Variants in VIM observed in about 807,000 individuals in gnomAD.
The protein encoded by VIM is vimentin, also known as epididymis secretory sperm binding protein.
A neutral mutation model predicts 50.3 loss-of-function variants in VIM; 18 were observed. That is an observed-to-expected ratio of 0.36 (90% CI 0.25 to 0.53). The LOEUF (loss-of-function observed/expected upper bound fraction) is 0.53. Ranked by LOEUF, VIM falls within the 20% of genes least tolerant of loss-of-function variation. The probability of loss-of-function intolerance (pLI) is 0.91; values close to 1 mark genes in which losing one functional copy is unlikely to be tolerated. For synonymous variants in VIM, 245 were observed against 248.5 expected (o/e 0.99, Z 0.13); for missense variants, 551 against 614.7 (o/e 0.90, Z 1.10).
At chr10:17,228,820 C>T (rs1473612087) in intron 1 of VIM, 3 of 153,826 alleles carry the variant, frequency 2.0e-5, no homozygotes, top group Non-Finnish European at 4.3e-5. Flanking sequence ...CTCTTTGTTT[C>T]TTTCTCCGCG....
chr10:17,229,379 C>G lies in VIM; in HGVS notation c.-44C>G, dbSNP rs559734613. 155 of 1,557,682 alleles carry G rather than the reference C, an allele frequency of 1.0e-4. 1 individual carries two copies. In the South Asian group the frequency reaches 1.7e-3, roughly 18 times the overall value. ...GTTCGCCTCTTCTCCGGGAGCCAGT[C>G]CGCGCCACCGCCGCCGCCCAGGCCA... is the stretch of plus-strand genomic sequence containing the variant. On this transcript the variant is annotated 5_prime_UTR_variant, in exon 2 of 10. Transcript: ENST00000544301.
chr10:17,237,076 C>T (rs1304694222), intron 9 of VIM, among the ~76,000 whole-genome samples, 154 bp from the exon 10 acceptor site: 1 of 152,126 alleles, frequency 6.6e-6, no homozygotes, highest in Non-Finnish European at 1.5e-5. Flanking sequence ...GTGTCTGCCC[C>T]TTCTAGTTTT....
rs1449347049 is a variant in VIM, at chr10:17,230,372, G to A, written c.564-278G>A. 1.4e-5 allele frequency: 8 copies of A among 574,264 alleles called. No homozygotes were observed. The East Asian group carries it at 2.1e-4, about 15-fold the overall frequency. The allele number at this position is 574,264 out of a possible 1,614,324, so 35.6% of individuals were successfully genotyped here. A position where few individuals can be genotyped will look rare whatever the true frequency, so the allele number is the denominator to read the frequency against. The stretch of plus-strand genomic sequence containing the variant: ...GGGCGGGAGAAGGAAGGAGGGGAAG[G>A]CGGTGGAGGGAGCGAGACAAAGGGA... On this transcript the variant is annotated intron_variant, in intron 2 of 9. Coordinates refer to ENST00000544301, the MANE Select transcript of VIM (RefSeq NM_003380.5).
intron 2 of VIM, 106 bp downstream of exon 2, chr10:17,230,091 C>T (rs1846758741): frequency 2.2e-6 from 3 of 1,376,868 alleles, no homozygotes; most frequent in Admixed American, 2.6e-5. Context: ...GGGGATGTGG[C>T]CGGGGGGAGG....
chr10:17,229,165 CGCTTCTCGCTAGGT>C, intron 1 of VIM, 97 bp from the exon 2 acceptor site: 3 of 174,876 alleles, frequency 1.7e-5, no homozygotes, highest in Non-Finnish European at 2.4e-5. Flanking sequence ...CCACCCTCCC[CGCTTCTCGCTAGGT>C]CCCTATTGGC....
At chr10:17,234,977 C>G in intron 6 of VIM, 159 bp downstream of exon 6, 1 of 1,261,856 alleles carries the variant, frequency 7.9e-7, no homozygotes, top group Non-Finnish European at 1.1e-6. Context: ...CTTCATGGAA[C>G]TCTTGAAGGT....
Position 17,234,825 on chromosome 10 carries a change from A to T in VIM, c.1008+7A>T, listed in dbSNP as rs1440556143. The T allele has an allele frequency of 6.2e-7, 1 of 1,614,028 alleles. No homozygotes were observed. The highest frequency in any genetic ancestry group is 2.2e-5 in the East Asian group (1 of 44,890). ...GGATGCCCTTAAAGGAACCGTGAGT[A>T]CCAACCCTGCAGTAAAAGAGGGAAA... On this transcript the variant is annotated splice_region_variant and intron_variant, in intron 6 of 9. Transcript: ENST00000544301.
At chr10:17,230,496 C>A in intron 2 of VIM, 154 bp from the exon 3 acceptor site, 1 of 893,020 alleles carries the variant, frequency 1.1e-6, no homozygotes, top group South Asian at 1.3e-5. Context: ...CTGAAACCTG[C>A]CGAGGGCAGC....
In VIM at chr10:17,230,698, A is replaced by C. The variant is rs143636314; in HGVS notation, c.612A>C (p.Gln204His). The stretch of plus-strand genomic sequence containing the variant: ...GAGAGGAAGCCGAAAACACCCTGCA[A>C]TCTTTCAGACAGGTTTGTAGACTCT... ...LQREEAENTL[Q>H]SFRQDVDNAS... Residue 204 changes from glutamine (Q) to histidine (H), a missense_variant, in exon 3 of 10, where the codon CAA becomes CAC. Physicochemically the swap from Gln to His is conservative, Grantham distance 24. Coordinates refer to ENST00000544301, the MANE Select transcript of VIM (RefSeq NM_003380.5). The C allele has an allele frequency of 2.5e-6, 4 of 1,613,984 alleles. No homozygotes were observed. The African/African-American group carries it at 5.3e-5, about 22-fold the overall frequency.
In VIM at chr10:17,237,237, A is replaced by G; in HGVS notation, c.1367A>G (p.Asn456Ser). 1.9e-6 allele frequency: 3 copies of G among 1,604,974 alleles called. No homozygotes were observed. The highest frequency in any genetic ancestry group is 2.6e-6 in the Non-Finnish European group (3 of 1,174,460). Residue 456 changes from asparagine to serine, a missense_variant, in exon 10 of 10, where the codon AAC becomes AGC. This residue lies in a region of VIM where 394 missense variants were observed against 437.5 expected (regional missense o/e 0.90). Transcript: ENST00000544301. The part of the protein sequence containing the change: ...TVETRDGQVI[N>S]ETSQHHDDLE ...GTTTTTTTTTTTAAACAGGTTATCA[A>G]CGAAACTTCTCAGCATCACGATGAC...
Position 17,235,273 on chromosome 10 carries a change from T to C in VIM, c.1113T>C (p.Asn371=). 6.2e-7 allele frequency: 1 copy of C among 1,614,186 alleles called. No individual in the cohort carries two copies. The highest frequency in any genetic ancestry group is 8.5e-7 in the Non-Finnish European group (1 of 1,180,032). ...TIGRLQDEIQ[N]MKEEMARHLR... ...GCCGCCTGCAGGATGAGATTCAGAATATGAAGGAGGAAATGGCTCGTCACC... is the reference window on the plus strand; with the variant it reads ...GCCGCCTGCAGGATGAGATTCAGAACATGAAGGAGGAAATGGCTCGTCACC... Residue 371 remains asparagine (N), a synonymous_variant, in exon 7 of 10, where the codon AAT becomes AAC. Coordinates refer to ENST00000544301, the MANE Select transcript of VIM (RefSeq NM_003380.5).
At chr10:17,233,202 C>T (rs769654185) in intron 3 of VIM, 146 of 296,102 alleles carry the variant, frequency 4.9e-4, no homozygotes, top group Non-Finnish European at 8.5e-4. Flanking sequence ...CCCGTCTCAG[C>T]CTCCCAAAGT....
At chr10:17,233,726 C>T (rs533790228) in intron 4 of VIM, 44 bp downstream of exon 4, 2 of 1,614,152 alleles carry the variant, frequency 1.2e-6, no homozygotes, top group Admixed American at 3.3e-5. Context: ...GTAAGGCAGC[C>T]CCCACGGTTG....
In VIM at chr10:17,233,589, T is replaced by C; in HGVS notation, c.627T>C (p.Asp209=). The C allele has an allele frequency of 6.2e-7, 1 of 1,614,120 alleles. No individual in the cohort carries two copies. Among genetic ancestry groups the C allele is most frequent in the Non-Finnish European group, 8.5e-7 (1 of 1,179,974 alleles). ...AENTLQSFRQ[D]VDNASLARLD... ...TGTCTTTTCTCTGTTCAAAATAGGA[T>C]GTTGACAATGCGTCTCTGGCACGTC... The change falls in exon 4 of 10, where the codon GAT becomes GAC. Residue 209 remains aspartate, a splice_region_variant and synonymous_variant. Coordinates refer to ENST00000544301, the MANE Select transcript of VIM (RefSeq NM_003380.5).
chr10:17,232,912 A>G (rs190532493), intron 3 of VIM, among the ~76,000 whole-genome samples: 101 of 152,372 alleles, frequency 6.6e-4, no homozygotes, highest in African/African-American at 2.3e-3. Context: ...ATGTTGTGGC[A>G]TAGATTTTCT....
At chr10:17,229,223 G>A in intron 1 of VIM, 53 bp from the exon 2 acceptor site, 1 of 592,032 alleles carries the variant, frequency 1.7e-6, no homozygotes, top group Non-Finnish European at 2.9e-6. Flanking sequence ...GCAGTGGGAG[G>A]GGACCCTCTT....
chr10:17,229,068 G>T, intron 1 of VIM: 1 of 407,642 alleles, frequency 2.5e-6, no homozygotes, highest in East Asian at 5.2e-5. Context: ...GCCCCCAAAA[G>T]TCCCAGCCCA....
Position 17,229,111 on chromosome 10 carries a change from G to C in VIM, c.-147-165G>C, listed in dbSNP as rs3758411. 0.22 allele frequency: 104,612 copies of C among 465,302 alleles called. 15,023 individuals are homozygous for C. The highest frequency in any genetic ancestry group is 0.35 in the Admixed American group (9,094 of 26,178). 28.8% of individuals were successfully genotyped at this position (465,302 alleles called of 1,614,324 possible). ...AGTAACGGGACCATGCCCAGTCCCAGGCCCCGGAGCAGGAAGGCTCGAGGG... is the reference window on the plus strand; with the variant it reads ...AGTAACGGGACCATGCCCAGTCCCACGCCCCGGAGCAGGAAGGCTCGAGGG... On this transcript the variant is annotated intron_variant, in intron 1 of 9. Coordinates refer to ENST00000544301, the MANE Select transcript of VIM (RefSeq NM_003380.5).
chr10:17,230,935 C>T (rs1846781501), intron 3 of VIM: 2 of 495,710 alleles, frequency 4.0e-6, no homozygotes, highest in East Asian at 7.7e-5. Flanking sequence ...CGGAGTCTTA[C>T]TCTGTCGCCC....
Sources: allele counts gnomAD v4.1 joint callset (sites outside exome capture counted in the v4.1 genomes callset), GRCh38; gene constraint gnomAD v4.1.1; regional missense constraint gnomAD v4.1.1; transcripts MANE v1.5; gene names NCBI Gene and HGNC (gene_info 2026-07-23, HGNC 2026-07-21).